Variants in SPATS2 observed in about 807,000 individuals in gnomAD.
SPATS2 encodes the protein spermatogenesis associated serine rich 2.
Under a neutral mutation model 63.7 loss-of-function variants are expected in SPATS2, and 38 were observed. The ratio of observed to expected loss-of-function variants is 0.60; its 90% CI spans 0.46 to 0.78. The LOEUF is 0.78. Among genes scored for constraint, SPATS2 ranks in the 30% least tolerant of loss-of-function variants. The pLI is 0.00. For missense variants in SPATS2, 588 were observed against 666.2 expected (o/e 0.88, Z 1.29); for synonymous variants, 207 against 232.9 (o/e 0.89, Z 1.01).
chr12:49,488,436 A>G (rs1329222351), intron 4 of SPATS2, among the ~76,000 whole-genome samples: 1 of 152,050 alleles, frequency 6.6e-6, no homozygotes, highest in African/African-American at 2.4e-5. Flanking sequence ...AGGCAGGCAG[A>G]TCACTTGAGG....
Position 49,496,998 on chromosome 12 carries a change from G to A in SPATS2, c.692G>A (p.Ser231Asn). 3 of 1,545,188 alleles carry A rather than the reference G, an allele frequency of 1.9e-6. No individual in the cohort carries two copies. The highest frequency in any genetic ancestry group is 2.5e-5 in the South Asian group (2 of 80,696). Residue 231 changes from serine (S) to asparagine (N), a missense_variant, in exon 8 of 14, where the codon AGT becomes AAT. By Grantham distance (46) the Ser-to-Asn change is conservative. Coordinates refer to ENST00000552918, the MANE Select transcript of SPATS2 (RefSeq NM_023071.4). Reference sequence around the variant, plus strand: ...ATGGAAGATGTTCCCCTCGCCACCAGTAAAAAGCTAAGTAAGTCAGAGGCC... The same window carrying A: ...ATGGAAGATGTTCCCCTCGCCACCAATAAAAAGCTAAGTAAGTCAGAGGCC... The part of the protein sequence containing the change: ...MGMEDVPLAT[S>N]KKLSSNIEKS...
At chr12:49,515,434 A>C (rs183561067) in intron 10 of SPATS2, among the ~76,000 whole-genome samples, 2 of 152,218 alleles carry the variant, frequency 1.3e-5, no homozygotes, top group Admixed American at 1.3e-4. Context: ...CTAGGTCGAG[A>C]TCATGACTCA....
intron 8 of SPATS2, 133 bp downstream of exon 8, chr12:49,497,142 GACTGACT>G (rs963099210): frequency 8.1e-6 from 7 of 867,156 alleles, no homozygotes; most frequent in Non-Finnish European, 1.0e-5. Context: ...TCCAGACAGT[GACTGACT>G]ACTCAGCCCT....
intron 3 of SPATS2, among the ~76,000 whole-genome samples, chr12:49,480,568 C>T (rs1026534007): frequency 1.3e-5 from 2 of 152,116 alleles, no homozygotes; most frequent in Admixed American, 6.5e-5. Context: ...TGTATCTCAA[C>T]GCCTACAGCA....
At chr12:49,453,395 T>G (rs923010292) in intron 2 of SPATS2, among the ~76,000 whole-genome samples, 1 of 152,198 alleles carries the variant, frequency 6.6e-6, no homozygotes, top group Non-Finnish European at 1.5e-5. Flanking sequence ...TGCTTTATTG[T>G]TTTTATTTTT....
At chr12:49,415,948 C>CA (rs970057513) in intron 2 of SPATS2, among the ~76,000 whole-genome samples, 1 of 151,782 alleles carries the variant, frequency 6.6e-6, no homozygotes, top group African/African-American at 2.4e-5. Flanking sequence ...CAAGACCCTG[C>CA]AGGCCTTGGC....
chr12:49,492,855 G>C (rs1208783659), intron 6 of SPATS2, among the ~76,000 whole-genome samples: 1 of 152,052 alleles, frequency 6.6e-6, no homozygotes, highest in Admixed American at 6.6e-5. Context: ...CAGCATTTTG[G>C]GAGGTCGAGG....
chr12:49,452,485 C>A (rs1945640931), intron 2 of SPATS2, among the ~76,000 whole-genome samples: 1 of 152,152 alleles, frequency 6.6e-6, no homozygotes, highest in African/African-American at 2.4e-5. Flanking sequence ...CACTGTGTTG[C>A]TTAGGCTGGT....
At chr12:49,463,199 A>G (rs1330714179) in intron 3 of SPATS2, 1 of 151,730 alleles carries the variant, frequency 6.6e-6, no homozygotes, top group Non-Finnish European at 1.5e-5. Context: ...AGGTCAGGAG[A>G]TTGAGACCAT....
intron 10 of SPATS2, among the ~76,000 whole-genome samples, chr12:49,516,810 CTTATT>C (rs1160481074): frequency 6.6e-6 from 1 of 152,046 alleles, no homozygotes; most frequent in Non-Finnish European, 1.5e-5. Flanking sequence ...TGTGGCCAAT[CTTATT>C]TTATCAAATT....
rs552379690 is a variant in SPATS2, at chr12:49,504,732, G to A, written c.839+4527G>A. ...GATTCCTCTATGTCCTTTTATTGGC[G>A]CGTTTTTTTTTTTCCTGTTTCTTTT... On this transcript the variant is annotated intron_variant, in intron 9 of 13. Transcript: ENST00000552918. 1.4e-3 allele frequency among the ~76,000 whole-genome samples: 28 copies of A among 20,380 alleles called. No homozygotes were observed. The East Asian group carries it at 0.031, about 23-fold the overall frequency. The allele number at this position is 20,380 out of a possible 152,430, so 13.4% of individuals were successfully genotyped here.
rs542422533 is a variant in SPATS2, at chr12:49,394,838, G to A, written c.-244+23548G>A. On this transcript the variant is annotated intron_variant, in intron 2 of 13. Transcript: ENST00000552918. The stretch of plus-strand genomic sequence containing the variant: ...TGTAATCCCAGCACTTTGGGAGGCC[G>A]AGGCAGGTGGATCACCTGAGGTCAG... Among the ~76,000 whole-genome samples, 495 of 152,162 alleles carry A rather than the reference G, an allele frequency of 3.3e-3. 3 individuals are homozygous for A. The highest frequency in any genetic ancestry group is 0.011 in the African/African-American group (470 of 41,530).
intron 2 of SPATS2, among the ~76,000 whole-genome samples, chr12:49,453,560 C>G (rs1455746305): frequency 6.6e-6 from 1 of 151,998 alleles, no homozygotes; most frequent in Non-Finnish European, 1.5e-5. Context: ...GCCTGTAATC[C>G]TAACACTTTG....
intron 2 of SPATS2, among the ~76,000 whole-genome samples, chr12:49,405,115 A>G (rs1206013255): frequency 6.6e-6 from 1 of 152,220 alleles, no homozygotes. Flanking sequence ...AAAGTGTGGC[A>G]CCTGGTTTAA....
intron 2 of SPATS2, among the ~76,000 whole-genome samples, chr12:49,456,549 A>G (rs1317749582): frequency 6.6e-6 from 1 of 152,236 alleles, no homozygotes. Context: ...GAAGTGGGAC[A>G]TAATCTGTCT....
intron 2 of SPATS2, among the ~76,000 whole-genome samples, chr12:49,384,117 C>T (rs1944269926): frequency 6.6e-6 from 1 of 152,100 alleles, no homozygotes; most frequent in Non-Finnish European, 1.5e-5. Flanking sequence ...TGGATTCCTC[C>T]AGTTTTTCCA....
intron 2 of SPATS2, among the ~76,000 whole-genome samples, chr12:49,387,562 G>A (rs1309609398): frequency 2.6e-5 from 4 of 151,076 alleles, no homozygotes; most frequent in Non-Finnish European, 5.9e-5. Flanking sequence ...TCTTGAAGCT[G>A]GGAGGTTGAG....
At chr12:49,407,731 T>C (rs1188785336) in intron 2 of SPATS2, among the ~76,000 whole-genome samples, 1 of 152,212 alleles carries the variant, frequency 6.6e-6, no homozygotes, top group Non-Finnish European at 1.5e-5. Context: ...TATTCAAATT[T>C]TAATTTAAAA....
chr12:49,407,722 A>G (rs934582134), intron 2 of SPATS2, among the ~76,000 whole-genome samples: 2 of 152,120 alleles, frequency 1.3e-5, no homozygotes, highest in African/African-American at 4.8e-5. Flanking sequence ...TATTTTATTT[A>G]TTCAAATTTT....
Sources: allele counts gnomAD v4.1 joint callset (sites outside exome capture counted in the v4.1 genomes callset), GRCh38; gene constraint gnomAD v4.1.1; transcripts MANE v1.5; gene names NCBI Gene and HGNC (gene_info 2026-07-23, HGNC 2026-07-21).